Variants in NPAS2 observed in about 807,000 individuals in gnomAD.
The protein encoded by NPAS2 is neuronal PAS domain protein 2, also known as neuronal PAS domain-containing protein 2.
In NPAS2, 23 loss-of-function variants were observed where a neutral mutation model predicts 107.5. The ratio of observed to expected loss-of-function variants is 0.21; its 90% CI spans 0.15 to 0.30. The LOEUF (loss-of-function observed/expected upper bound fraction) is 0.30. Among genes scored for constraint, NPAS2 ranks in the 10% least tolerant of loss-of-function variants. NPAS2 has a pLI of 1.00. For missense variants in NPAS2, 756 were observed against 1,043.3 expected (o/e 0.72, Z 3.79); for synonymous variants, 403 against 417.5 (o/e 0.97, Z 0.42).
intron 1 of NPAS2, among the ~76,000 whole-genome samples, chr2:100,879,071 C>A (rs566572281): frequency 4.6e-5 from 7 of 151,602 alleles, no homozygotes; most frequent in Admixed American, 1.3e-4. Flanking sequence ...GGAGATCGCA[C>A]CACTGTGTTC....
chr2:100,939,998 C>T (rs1674483117), intron 5 of NPAS2, among the ~76,000 whole-genome samples: 2 of 152,352 alleles, frequency 1.3e-5, no homozygotes, highest in South Asian at 4.1e-4. Context: ...CCTCAACTCC[C>T]TGGTGCAGGT....
chr2:100,977,653 TCC>T (rs1184306347), intron 14 of NPAS2, 55 bp from the exon 15 acceptor site: 15 of 1,476,642 alleles, frequency 1.0e-5, no homozygotes, highest in Middle Eastern at 1.7e-4. Context: ...AGAGACCACA[TCC>T]CTGTCCCCTG....
intron 1 of NPAS2, among the ~76,000 whole-genome samples, chr2:100,903,685 G>A (rs1475766531): frequency 6.6e-6 from 1 of 152,126 alleles, no homozygotes; most frequent in Non-Finnish European, 1.5e-5. Flanking sequence ...CTTCTCCATG[G>A]TCCCCACCTT....
chr2:100,838,467 G>C (rs1013187466), intron 1 of NPAS2, among the ~76,000 whole-genome samples: 2 of 152,020 alleles, frequency 1.3e-5, no homozygotes, highest in Non-Finnish European at 1.5e-5. Flanking sequence ...TAGTAGAGAA[G>C]AGGTTTCACC....
At chr2:100,950,771 G>A (rs1213410296) in intron 7 of NPAS2, among the ~76,000 whole-genome samples, 3 of 152,220 alleles carry the variant, frequency 2.0e-5, no homozygotes, top group African/African-American at 7.2e-5. Flanking sequence ...ATGGTCGGAA[G>A]TGGTGGGAAG....
At chr2:100,863,413 A>G (rs980407078) in intron 1 of NPAS2, among the ~76,000 whole-genome samples, 1 of 152,206 alleles carries the variant, frequency 6.6e-6, no homozygotes, top group Non-Finnish European at 1.5e-5. Flanking sequence ...TCTGTGTGTT[A>G]GAGAAAGAGA....
intron 1 of NPAS2, among the ~76,000 whole-genome samples, chr2:100,893,635 T>C (rs1282538257): frequency 6.6e-6 from 1 of 152,196 alleles, no homozygotes; most frequent in Non-Finnish European, 1.5e-5. Flanking sequence ...TACAAAAAAT[T>C]CTAAATTAAA....
chr2:100,853,229 G>C (rs1484015111), intron 1 of NPAS2, among the ~76,000 whole-genome samples: 1 of 152,220 alleles, frequency 6.6e-6, no homozygotes, highest in Non-Finnish European at 1.5e-5. Flanking sequence ...TTGCACAGGA[G>C]AGAACTAGAC....
intron 14 of NPAS2, 50 bp from the exon 15 acceptor site, chr2:100,977,660 C>A (rs1382333972): frequency 2.6e-6 from 4 of 1,511,162 alleles, no homozygotes; most frequent in Non-Finnish European, 9.2e-7. Flanking sequence ...ACATCCCTGT[C>A]CCCTGGAATG....
At chr2:100,898,742 G>A (rs1020333061) in intron 1 of NPAS2, among the ~76,000 whole-genome samples, 14 of 150,154 alleles carry the variant, frequency 9.3e-5, no homozygotes, top group South Asian at 6.3e-4. Context: ...TTTTTTCAGC[G>A]TAATAATTGG....
Position 100,971,044 on chromosome 2 carries a change from A to T in NPAS2, c.1110A>T (p.Pro370=). Residue 370 remains proline, a synonymous_variant, in exon 12 of 21, where the codon CCA becomes CCT. Transcript: ENST00000335681. ...AGGAGCTGGCTCTGGAAGACCCGCC[A>T]TCCGAGGCCCTCCACTCCTCAGCAC... ...RRQELALEDP[P]SEALHSSALK... 3.1e-6 allele frequency: 5 copies of T among 1,614,168 alleles called. No homozygotes were observed. The highest frequency in any genetic ancestry group is 3.4e-6 in the Non-Finnish European group (4 of 1,180,026).
chr2:100,967,743 G>A (rs982960534), intron 10 of NPAS2, among the ~76,000 whole-genome samples: 12 of 152,184 alleles, frequency 7.9e-5, no homozygotes, highest in African/African-American at 2.7e-4. Context: ...ACATCACTAT[G>A]GGGGGGCTGC....
In NPAS2 at chr2:100,964,820, G is replaced by A. The variant is rs749825528; in HGVS notation, c.718-41G>A. ...TGAACAAACCTAGGGTGAGCATCTG[G>A]CACCCAAGCAACTTTTTTTTTTTTT... is the stretch of plus-strand genomic sequence containing the variant. On this transcript the variant is annotated intron_variant, in intron 8 of 20. Coordinates refer to ENST00000335681, the MANE Select transcript of NPAS2 (RefSeq NM_002518.4). 6.2e-6 allele frequency: 8 copies of A among 1,289,204 alleles called. No individual in the cohort carries two copies. In the Admixed American group the frequency reaches 6.6e-5, roughly 11 times the overall value. The allele number at this position is 1,289,204 out of a possible 1,614,324, so 79.9% of individuals were successfully genotyped here. A position where few individuals can be genotyped will look rare whatever the true frequency, so the allele number is the denominator to read the frequency against.
At chr2:100,940,935 G>T (rs997646819) in intron 5 of NPAS2, among the ~76,000 whole-genome samples, 1 of 152,170 alleles carries the variant, frequency 6.6e-6, no homozygotes, top group Non-Finnish European at 1.5e-5. Flanking sequence ...GGGTAGTCAG[G>T]GGGCAGGAGG....
chr2:100,925,341 A>G, intron 3 of NPAS2, 47 bp downstream of exon 3: 3 of 1,591,590 alleles, frequency 1.9e-6, no homozygotes, highest in Non-Finnish European at 2.6e-6. Context: ...TGCCCCGTCC[A>G]TGTGGTGATG....
chr2:100,944,180 T>A lies in NPAS2; in HGVS notation c.364-4055T>A, dbSNP rs375494905. Among the ~76,000 whole-genome samples, 231 of 152,270 alleles carry A rather than the reference T, an allele frequency of 1.5e-3. 1 individual carries two copies. Among genetic ancestry groups the A allele is most frequent in the African/African-American group, 5.2e-3 (217 of 41,554 alleles). On this transcript the variant is annotated intron_variant, in intron 5 of 20. Transcript: ENST00000335681. ...TTAGGGAGACCAAGGCCCCAGTGACTTCTCTTAAGCCGTTCTTTTCTCAAG... is the reference window on the plus strand; with the variant it reads ...TTAGGGAGACCAAGGCCCCAGTGACATCTCTTAAGCCGTTCTTTTCTCAAG...
At chr2:100,896,638 C>T (rs901673411) in intron 1 of NPAS2, among the ~76,000 whole-genome samples, 1 of 152,224 alleles carries the variant, frequency 6.6e-6, no homozygotes, top group African/African-American at 2.4e-5. Context: ...GTAGCTCCTG[C>T]ACATGCAGAA....
chr2:100,944,296 A>G (rs4851383), intron 5 of NPAS2, among the ~76,000 whole-genome samples: 66,030 of 151,922 alleles, frequency 0.43, 14,800 homozygotes, highest in Middle Eastern at 0.66. Flanking sequence ...CCTCAGGGAC[A>G]CTCTGGGAGG....
chr2:100,889,929 C>T (rs373442452), intron 1 of NPAS2, among the ~76,000 whole-genome samples: 11 of 143,754 alleles, frequency 7.7e-5, no homozygotes, highest in Admixed American at 2.7e-4. Flanking sequence ...GGAGACGTCC[C>T]CTGAGATTGA....
Sources: gnomAD v4.1 joint callset for allele counts (sites outside exome capture counted in the v4.1 genomes callset) on GRCh38, gnomAD v4.1.1 for gene constraint, MANE v1.5 for transcripts, NCBI Gene and HGNC (gene_info 2026-07-23, HGNC 2026-07-21) for gene names.